The following LINGO2 variants were observed in gnomAD, a reference collection of about 807,000 sequenced individuals.
LINGO2 encodes leucine-rich repeat and immunoglobulin-like domain-containing nogo receptor-interacting protein 2.
LINGO2 carries 14 observed loss-of-function variants against 30.6 expected under a neutral mutation model. That is an observed-to-expected ratio of 0.46 (90% confidence interval 0.30 to 0.72). LINGO2 has a LOEUF of 0.72. LINGO2 is among the 30% of genes least tolerant of loss of function. The pLI, the probability that LINGO2 is intolerant of heterozygous loss-of-function variation, is 0.07. For synonymous variants in LINGO2, 317 were observed against 288.5 expected, an observed-to-expected ratio of 1.10 and a Z score of -1.00; for missense variants, 729 against 751.7, an observed-to-expected ratio of 0.97 and a Z score of 0.35.
intron 2 of LINGO2, among the ~76,000 whole-genome samples, chr9:28,376,914 CAT>C (rs1361377427): frequency 6.6e-6 from 1 of 152,052 alleles, no homozygotes; most frequent in African/African-American, 2.4e-5. Context: ...ATGCAGTAGA[CAT>C]AGGCAATGAT....
intron 4 of LINGO2, among the ~76,000 whole-genome samples, chr9:28,073,210 C>T (rs1825531288): frequency 6.6e-6 from 1 of 151,990 alleles, no homozygotes; most frequent in Non-Finnish European, 1.5e-5. Context: ...GCGCCAAAGT[C>T]CAACTCTCAA....
intron 4 of LINGO2, among the ~76,000 whole-genome samples, chr9:28,172,037 A>AC (rs1554682054): frequency 2.4e-4 from 33 of 136,694 alleles, no homozygotes; most frequent in African/African-American, 6.5e-4. Context: ...AAAAAAACAA[A>AC]AAAAAAAACC....
chr9:28,983,634 T>C, the LINGO2 span, among the ~76,000 whole-genome samples: 2 of 151,910 alleles, frequency 1.3e-5, no homozygotes, highest in Admixed American at 6.6e-5. Flanking sequence ...CAAAATTCTA[T>C]TAAATAAGTA....
chr9:28,841,931 A>G, the LINGO2 span, among the ~76,000 whole-genome samples: 1 of 151,826 alleles, frequency 6.6e-6, no homozygotes, highest in Non-Finnish European at 1.5e-5. Flanking sequence ...AATCTGTTGT[A>G]TAAATGAGGT....
At chr9:29,094,884 A>G in the LINGO2 span, among the ~76,000 whole-genome samples, 3 of 139,104 alleles carry the variant, frequency 2.2e-5, 1 homozygote, top group Non-Finnish European at 3.1e-5. Context: ...CTAGACCATT[A>G]CATTTTATAT....
At chr9:28,203,182 T>A (rs1820295763) in intron 4 of LINGO2, among the ~76,000 whole-genome samples, 1 of 152,194 alleles carries the variant, frequency 6.6e-6, no homozygotes, top group African/African-American at 2.4e-5. Flanking sequence ...ACCGAAAAGA[T>A]GATTTTAAAT....
the LINGO2 span, among the ~76,000 whole-genome samples, chr9:28,969,327 C>CAA: frequency 6.6e-6 from 1 of 151,984 alleles, no homozygotes; most frequent in Admixed American, 6.6e-5. Context: ...AAAAAAAATC[C>CAA]AAGCAAGAGT....
At position 28,029,047 on chromosome 9, in the gene LINGO2, G is replaced by A. The variant is rs568335436; in HGVS notation, c.-86-16642C>T. 1.9e-4 allele frequency among the ~76,000 whole-genome samples: 29 copies of A among 152,272 alleles called. 1 individual carries two copies. Among genetic ancestry groups the A allele is most frequent in the African/African-American group, 6.5e-4 (27 of 41,562 alleles). ...AAATAGGATAGGCGGGGCTAGATGAGAGTGAGTATATAAAAGACCATCTAT... is the reference window on the plus strand; with the variant it reads ...AAATAGGATAGGCGGGGCTAGATGAAAGTGAGTATATAAAAGACCATCTAT... On this transcript the variant is annotated intron_variant, in intron 4 of 5. Coordinates refer to ENST00000379992, the Ensembl canonical transcript of LINGO2.
At chr9:29,149,718 A>G in the LINGO2 span, among the ~76,000 whole-genome samples, 1 of 152,126 alleles carries the variant, frequency 6.6e-6, no homozygotes, top group Non-Finnish European at 1.5e-5. Flanking sequence ...AGACTACACA[A>G]AGACCTCTCC....
intron 4 of LINGO2, among the ~76,000 whole-genome samples, chr9:28,035,363 C>T (rs1336120446): frequency 6.6e-6 from 1 of 152,204 alleles, no homozygotes; most frequent in Non-Finnish European, 1.5e-5. Context: ...GTATCAATGA[C>T]TTCCTCAAAA....
At chr9:29,068,446 T>G in the LINGO2 span, among the ~76,000 whole-genome samples, 2 of 151,838 alleles carry the variant, frequency 1.3e-5, no homozygotes, top group African/African-American at 4.8e-5. Flanking sequence ...CTCCTTCATT[T>G]ATACTAGTTT....
At chr9:28,549,199 G>A (rs1042357229) in intron 1 of LINGO2, among the ~76,000 whole-genome samples, 10 of 152,054 alleles carry the variant, frequency 6.6e-5, no homozygotes, top group African/African-American at 2.4e-4. Flanking sequence ...TCATTGTTGT[G>A]TGTGTTTAAA....
At chr9:28,013,756 C>T (rs1181218076) in intron 4 of LINGO2, among the ~76,000 whole-genome samples, 1 of 152,102 alleles carries the variant, frequency 6.6e-6, no homozygotes, top group Non-Finnish European at 1.5e-5. Flanking sequence ...TTCTATACCC[C>T]TACTTTCAAC....
chr9:28,696,435 T>C, the LINGO2 span, among the ~76,000 whole-genome samples: 1 of 151,876 alleles, frequency 6.6e-6, no homozygotes, highest in Non-Finnish European at 1.5e-5. Context: ...TTAACATTCA[T>C]TCCAAACCTA....
the LINGO2 span, among the ~76,000 whole-genome samples, chr9:28,802,212 C>T: frequency 1.3e-5 from 2 of 151,882 alleles, no homozygotes; most frequent in Non-Finnish European, 2.9e-5. Context: ...TTGAACAATG[C>T]TTTGCATATG....
chr9:27,947,024 A>G (rs1251603584), downstream of LINGO2, among the ~76,000 whole-genome samples: 1 of 152,166 alleles, frequency 6.6e-6, no homozygotes, highest in African/African-American at 2.4e-5. Flanking sequence ...CCGCCAATCC[A>G]ATATGTCAAG....
chr9:28,932,390 T>C, the LINGO2 span, among the ~76,000 whole-genome samples: 1 of 152,164 alleles, frequency 6.6e-6, no homozygotes, highest in African/African-American at 2.4e-5. Context: ...GATCCAGGAC[T>C]GGAGTCAAAT....
At chr9:28,489,156 G>A (rs372934460) in intron 1 of LINGO2, among the ~76,000 whole-genome samples, 8 of 152,074 alleles carry the variant, frequency 5.3e-5, no homozygotes, top group African/African-American at 1.9e-4. Flanking sequence ...CCAGAATACT[G>A]ACTGAGCAAT....
At chr9:28,094,490 A>C (rs1170207596) in intron 4 of LINGO2, among the ~76,000 whole-genome samples, 1 of 151,550 alleles carries the variant, frequency 6.6e-6, no homozygotes, top group Non-Finnish European at 1.5e-5. Flanking sequence ...TGCATGATGA[A>C]GCAATAGAGA....
Sources: gnomAD v4.1 joint callset for allele counts (sites outside exome capture counted in the v4.1 genomes callset) on GRCh38, gnomAD v4.1.1 for gene constraint, MANE v1.5 for transcripts, NCBI Gene and HGNC (gene_info 2026-07-23, HGNC 2026-07-21) for gene names.